The following GK variants were observed in gnomAD, a reference collection of about 807,000 sequenced individuals.
GK encodes the protein glycerol kinase, also known as ATP:glycerol 3-phosphotransferase.
In GK, 9 loss-of-function variants were observed where a neutral mutation model predicts 56.4. The ratio of observed to expected loss-of-function variants is 0.16; its 90% confidence interval spans 0.10 to 0.28. The LOEUF is 0.28. Among genes scored for constraint, GK ranks in the 10% least tolerant of loss-of-function variants. The pLI is 1.00. For missense variants in GK, 161 were observed against 431.4 expected (o/e 0.37, Z 5.55); for synonymous variants, 104 against 144.1 (o/e 0.72, Z 1.99).
chrX:30,693,937 A>T (rs1432027052), intron 5 of GK, among the ~76,000 whole-genome samples: 1 of 111,952 alleles, frequency 8.9e-6, no homozygotes, highest in East Asian at 2.8e-4. Flanking sequence ...GTGTGTATAT[A>T]TGTAAAATAT....
intron 1 of GK, among the ~76,000 whole-genome samples, chrX:30,657,990 T>A (rs1356218050): frequency 8.9e-6 from 1 of 112,233 alleles, no homozygotes; most frequent in Admixed American, 9.5e-5. Context: ...ATTCAGTGGG[T>A]CCTAGGCAGG....
rs1047486439 is a variant in GK at position 30,700,917 on chromosome X, A to C, written c.851+12A>C. ...CAAGCCAAAAATACGTGAGTTTAAG[A>C]AACAGACTTAAAAACCAATGCTGTT... is the stretch of plus-strand genomic sequence containing the variant. On this transcript the variant is annotated intron_variant, in intron 11 of 20. Transcript: ENST00000427190. 10 of 1,107,927 alleles carry C rather than the reference A, an allele frequency of 9.0e-6. No individual in the cohort carries two copies. The highest frequency in any genetic ancestry group is 1.2e-5 in the Non-Finnish European group (10 of 800,828). The allele number at this position is 1,107,927 out of a possible 1,213,427, so 91.3% of individuals were successfully genotyped here. A position where few individuals can be genotyped will look rare whatever the true frequency, so the allele number is the denominator to read the frequency against.
intron 9 of GK, 151 bp from the exon 10 acceptor site, chrX:30,700,263 C>T: frequency 2.2e-6 from 1 of 444,520 alleles, no homozygotes; most frequent in Non-Finnish European, 4.0e-6. Flanking sequence ...TAGTATCTGT[C>T]TCTTTATCAT....
Position 30,730,386 on chromosome X carries a change from AG to A in GK, c.*1646del, listed in dbSNP as rs1937303530. 8.9e-6 allele frequency: 1 copy of A among 111,959 alleles called. No individual in the cohort carries two copies. Among genetic ancestry groups the A allele is most frequent in the South Asian group, 3.7e-4 (1 of 2,727 alleles). The allele number at this position is 111,959 out of a possible 1,213,427, so 9.2% of individuals were successfully genotyped here. ...CTTAAGTGACATAAATATTATAGAAAGGTACTGTGAAATGATCACTTTGTGG... is the reference window on the plus strand; with the variant it reads ...CTTAAGTGACATAAATATTATAGAAAGTACTGTGAAATGATCACTTTGTGG... On this transcript the variant is annotated 3_prime_UTR_variant, in exon 21 of 21. Coordinates refer to ENST00000427190, the MANE Select transcript of GK (RefSeq NM_001205019.2).
intron 3 of GK, among the ~76,000 whole-genome samples, chrX:30,671,062 G>A (rs1414621864): frequency 9.4e-6 from 1 of 106,335 alleles, no homozygotes. Flanking sequence ...GGTCGAGGCA[G>A]GCAGATCACC....
intron 1 of GK, among the ~76,000 whole-genome samples, chrX:30,655,270 A>G (rs1242882152): frequency 8.9e-6 from 1 of 112,406 alleles, no homozygotes; most frequent in African/African-American, 3.2e-5. Context: ...TTAATACATA[A>G]TATACACGAT....
At chrX:30,705,120 G>A (rs1368813079) in intron 11 of GK, among the ~76,000 whole-genome samples, 4 of 112,018 alleles carry the variant, frequency 3.6e-5, no homozygotes, top group Admixed American at 9.5e-5. Flanking sequence ...GAGTCTGAGC[G>A]GAGAACAGAT....
At chrX:30,706,288 T>G (rs1936001196) in intron 11 of GK, among the ~76,000 whole-genome samples, 1 of 112,260 alleles carries the variant, frequency 8.9e-6, no homozygotes, top group African/African-American at 3.2e-5. Flanking sequence ...CAATTTCCCT[T>G]GGTTTTGTGT....
rs1413499954 is a variant in GK, at chrX:30,672,665, T to A, written c.259+4547T>A. Reference sequence around the variant, plus strand: ...CCCATCTCTACTAAAAATACAAAAATTAGCTGGGCATGGTGGCGCATGCCT... The same window carrying A: ...CCCATCTCTACTAAAAATACAAAAAATAGCTGGGCATGGTGGCGCATGCCT... On this transcript the variant is annotated intron_variant, in intron 3 of 20. Coordinates refer to ENST00000427190, the MANE Select transcript of GK (RefSeq NM_001205019.2). Among the ~76,000 whole-genome samples, 4 of 111,115 alleles carry A rather than the reference T, an allele frequency of 3.6e-5. No homozygotes were observed. The Admixed American group carries it at 3.8e-4, about 11-fold the overall frequency.
At chrX:30,727,998 C>T (rs1487606813) in intron 20 of GK, among the ~76,000 whole-genome samples, 3 of 111,581 alleles carry the variant, frequency 2.7e-5, no homozygotes, top group Non-Finnish European at 5.6e-5. Flanking sequence ...AGCATGTCCA[C>T]AGAGTTCCTG....
At chrX:30,694,595 C>A in intron 6 of GK, 58 bp downstream of exon 6, 1 of 995,182 alleles carries the variant, frequency 1.0e-6, no homozygotes, top group Non-Finnish European at 1.4e-6. Flanking sequence ...TTCTAGACTG[C>A]CTTGCCTATT....
At position 30,719,471 on chromosome X, in the gene GK, A is replaced by T; in HGVS notation, c.1107A>T (p.Ala369=). The T allele has an allele frequency of 1.7e-6, 2 of 1,195,737 alleles. No homozygotes were observed. The highest frequency in any genetic ancestry group is 2.3e-6 in the Non-Finnish European group (2 of 881,257). The part of the protein sequence containing the change: ...GTSYGCYFVP[A]FSGLYAPYWE... ...CTTATGGCTGCTACTTCGTCCCAGC[A>T]TTTTCGGGGTTATATGCACCTTATT... The change falls in exon 15 of 21, where the codon GCA becomes GCT. Residue 369 remains alanine (A), a synonymous_variant. Transcript: ENST00000427190.
intron 1 of GK, among the ~76,000 whole-genome samples, chrX:30,665,078 A>G (rs1431526130): frequency 8.9e-6 from 1 of 111,913 alleles, no homozygotes; most frequent in Non-Finnish European, 1.9e-5. Flanking sequence ...GTACGTGTCT[A>G]TGTGCCTGAG....
chrX:30,658,611 C>T (rs1284763858), intron 1 of GK, among the ~76,000 whole-genome samples: 6 of 112,597 alleles, frequency 5.3e-5, no homozygotes, highest in African/African-American at 9.7e-5. Context: ...CCACCACGCC[C>T]GGCCAAGTTG....
At chrX:30,673,895 A>T (rs1933708652) in intron 3 of GK, among the ~76,000 whole-genome samples, 1 of 111,534 alleles carries the variant, frequency 9.0e-6, no homozygotes, top group South Asian at 3.8e-4. Context: ...CTATAAGTTC[A>T]TTGTGATCCC....
At chrX:30,701,474 A>G (rs1031141766) in intron 11 of GK, among the ~76,000 whole-genome samples, 3 of 112,253 alleles carry the variant, frequency 2.7e-5, no homozygotes, top group African/African-American at 9.7e-5. Context: ...CCTAAAAACT[A>G]AATTTTGGTT....
intron 16 of GK, 25 bp from the exon 17 acceptor site, chrX:30,720,596 C>T (rs980021491): frequency 3.4e-6 from 4 of 1,178,869 alleles, no homozygotes; most frequent in Non-Finnish European, 3.5e-6. Flanking sequence ...AGATTTATAA[C>T]ATTAATTGCA....
chrX:30,671,771 G>A (rs957925296), intron 3 of GK: 2 of 111,935 alleles, frequency 1.8e-5, no homozygotes, highest in Admixed American at 9.5e-5. Context: ...TCCTTCTAGC[G>A]GTAGAGTCAG....
At chrX:30,715,835 AC>A (rs1371810913) in intron 13 of GK, among the ~76,000 whole-genome samples, 1 of 112,254 alleles carries the variant, frequency 8.9e-6, no homozygotes, top group Non-Finnish European at 1.9e-5. Context: ...GTTTTTATCT[AC>A]CTTTTATTGT....
Sources: allele counts gnomAD v4.1 joint callset (sites outside exome capture counted in the v4.1 genomes callset), GRCh38; gene constraint gnomAD v4.1.1; transcripts MANE v1.5; gene names NCBI Gene and HGNC (gene_info 2026-07-23, HGNC 2026-07-21).